The following ADAMTS20 variants were observed in gnomAD, a reference collection of about 807,000 sequenced individuals.
ADAMTS20 encodes the protein ADAM metallopeptidase with thrombospondin type 1 motif 20, also known as A disintegrin and metalloproteinase with thrombospondin motifs 20.
ADAMTS20 carries 225 observed loss-of-function variants against 260.1 expected under a neutral mutation model. The ratio of observed to expected loss-of-function variants is 0.87; its 90% CI spans 0.78 to 0.97. The LOEUF is 0.97. Among genes scored for constraint, ADAMTS20 ranks in the 50% least tolerant of loss-of-function variants. The pLI is 0.00. For synonymous variants in ADAMTS20, 802 were observed against 769.5 expected (o/e 1.04, Z -0.70); for missense variants, 2,400 against 2,337.7 (o/e 1.03, Z -0.55).
intron 28 of ADAMTS20, among the ~76,000 whole-genome samples, chr12:43,408,415 C>G (rs1311033135): frequency 1.3e-5 from 2 of 152,162 alleles, no homozygotes; most frequent in Non-Finnish European, 2.9e-5. Context: ...TTACAAAATT[C>G]TTAAAATCAA....
At chr12:43,478,947 G>A (rs1592090499) in intron 7 of ADAMTS20, among the ~76,000 whole-genome samples, 1 of 152,162 alleles carries the variant, frequency 6.6e-6, no homozygotes, top group Non-Finnish European at 1.5e-5. Context: ...CTGAAGTAAG[G>A]ACGGTTTTAT....
At chr12:43,483,393 C>T (rs1354782754) in intron 7 of ADAMTS20, among the ~76,000 whole-genome samples, 1 of 152,146 alleles carries the variant, frequency 6.6e-6, no homozygotes, top group East Asian at 1.9e-4. Flanking sequence ...TCAGCAGAGG[C>T]ATAGGTACAG....
At chr12:43,510,245 T>C (rs190097157) in intron 3 of ADAMTS20, among the ~76,000 whole-genome samples, 55 of 152,004 alleles carry the variant, frequency 3.6e-4, no homozygotes, top group Non-Finnish European at 6.3e-4. Flanking sequence ...ATAATGAGCC[T>C]AAAAGGTATA....
chr12:43,404,637 G>A (rs1940877555), intron 28 of ADAMTS20, among the ~76,000 whole-genome samples: 1 of 152,126 alleles, frequency 6.6e-6, no homozygotes, highest in Non-Finnish European at 1.5e-5. Context: ...ATCTATGGAT[G>A]AAGATATATA....
intron 38 of ADAMTS20, among the ~76,000 whole-genome samples, chr12:43,354,888 G>C (rs760176942): frequency 1.3e-5 from 2 of 152,160 alleles, no homozygotes; most frequent in Non-Finnish European, 2.9e-5. Context: ...GAACTAAAAT[G>C]GGAGATTGTT....
rs1177283960 is a variant in ADAMTS20 at position 43,440,004 on chromosome 12, CT to C, written c.2355del (p.Glu786LysfsTer86). On this transcript the variant is annotated frameshift_variant, in exon 17 of 39. Coordinates refer to ENST00000389420, the MANE Select transcript of ADAMTS20 (RefSeq NM_025003.5). LOFTEE classifies it high-confidence loss of function. ...GTTCTTGTTCCTTGCACATTGATTT[CT>C]TTTTTTGACGTACTTAGAAGAAAAT... is the stretch of plus-strand genomic sequence containing the variant. ...NGNFLLSTSK[K>X]EINVQGTRTV... 2.5e-6 allele frequency: 4 copies of C among 1,580,314 alleles called. No individual in the cohort carries two copies. Among genetic ancestry groups the C allele is most frequent in the Middle Eastern group, 1.7e-4 (1 of 6,012 alleles).
At chr12:43,367,240 A>C (rs1480870737) in intron 37 of ADAMTS20, among the ~76,000 whole-genome samples, 3 of 152,052 alleles carry the variant, frequency 2.0e-5, no homozygotes, top group Non-Finnish European at 4.4e-5. Flanking sequence ...CAGATATCAC[A>C]AGAAAAAAAA....
chr12:43,380,094 T>C (rs560233553), intron 31 of ADAMTS20, among the ~76,000 whole-genome samples: 1 of 152,082 alleles, frequency 6.6e-6, no homozygotes, highest in African/African-American at 2.4e-5. Context: ...TTATACACCA[T>C]GACGAAGTAA....
At chr12:43,352,932 C>T (rs570352167), downstream of ADAMTS20, among the ~76,000 whole-genome samples, 4 of 152,138 alleles carry the variant, frequency 2.6e-5, no homozygotes, top group South Asian at 2.1e-4. Context: ...AAATGTTTAA[C>T]CACATTGAAA....
chr12:43,364,051 C>T (rs1326007144), intron 37 of ADAMTS20, among the ~76,000 whole-genome samples: 1 of 152,084 alleles, frequency 6.6e-6, no homozygotes, highest in Non-Finnish European at 1.5e-5. Context: ...GAAAGCCCAC[C>T]TAAGACTATT....
chr12:43,438,776 C>T (rs1461985465), intron 18 of ADAMTS20, among the ~76,000 whole-genome samples: 1 of 152,136 alleles, frequency 6.6e-6, no homozygotes, highest in Admixed American at 6.6e-5. Context: ...TTTCTCTATT[C>T]TTCATGAAAA....
At position 43,376,603 on chromosome 12, in the gene ADAMTS20, A is replaced by T; in HGVS notation, c.5046T>A (p.Ile1682=). The T allele has an allele frequency of 1.2e-6, 2 of 1,613,488 alleles. No homozygotes were observed. Among genetic ancestry groups the T allele is most frequent in the Non-Finnish European group, 1.7e-6 (2 of 1,179,662 alleles). Residue 1682 remains isoleucine (I), a synonymous_variant, in exon 33 of 39, where the codon ATT becomes ATA. Coordinates refer to ENST00000389420, the MANE Select transcript of ADAMTS20 (RefSeq NM_025003.5). ...IGIMKRQVKC[I]TKHGLSSDLC... is the part of the protein sequence containing the mutation. ...AGTCACTGGACAAACCATGTTTGGT[A>T]ATGCATTTCACTTGTCTCTTCATTA... is the stretch of plus-strand genomic sequence containing the variant.
chr12:43,523,869 T>A, intron 3 of ADAMTS20, among the ~76,000 whole-genome samples: 1 of 148,918 alleles, frequency 6.7e-6, no homozygotes, highest in Non-Finnish European at 1.5e-5. Flanking sequence ...AGCACCCCCC[T>A]CCCCCAACCA....
chr12:43,413,226 T>G (rs2137275487), intron 28 of ADAMTS20, among the ~76,000 whole-genome samples: 1 of 152,346 alleles, frequency 6.6e-6, no homozygotes, highest in African/African-American at 2.4e-5. Context: ...TCACACATTT[T>G]AATTATCACA....
Position 43,376,664 on chromosome 12 carries a change from A to G in ADAMTS20, c.4996-11T>C. ...ACAAGTCACTGAGCACTGTGAAAAG[A>G]GTAAAATTTGAAGGCAAACTATATT... On this transcript the variant is annotated splice_polypyrimidine_tract_variant and intron_variant, in intron 32 of 38. Coordinates refer to ENST00000389420, the MANE Select transcript of ADAMTS20 (RefSeq NM_025003.5). The G allele has an allele frequency of 6.3e-7, 1 of 1,593,692 alleles. No homozygotes were observed. The highest frequency in any genetic ancestry group is 1.4e-5 in the African/African-American group (1 of 73,616).
chr12:43,408,042 C>G (rs1050392496), intron 28 of ADAMTS20, among the ~76,000 whole-genome samples: 8 of 152,088 alleles, frequency 5.3e-5, no homozygotes, highest in Non-Finnish European at 1.0e-4. Flanking sequence ...TGAACCTTTA[C>G]AAGTATAGGG....
chr12:43,431,239 T>C (rs979809348), intron 22 of ADAMTS20, 93 bp downstream of exon 22: 3 of 1,326,386 alleles, frequency 2.3e-6, no homozygotes, highest in Non-Finnish European at 2.1e-6. Flanking sequence ...CCAAATTCCA[T>C]TGCATCCACT....
At chr12:43,439,530 G>A in intron 18 of ADAMTS20, 92 bp downstream of exon 18, 1 of 1,443,690 alleles carries the variant, frequency 6.9e-7, no homozygotes, top group East Asian at 2.3e-5. Context: ...GGACAGTGGG[G>A]AGGATTCCAT....
intron 15 of ADAMTS20, among the ~76,000 whole-genome samples, chr12:43,445,187 C>G (rs879711412): frequency 1.1e-4 from 17 of 152,078 alleles, no homozygotes; most frequent in Non-Finnish European, 2.2e-4. Flanking sequence ...ATGAGTTTAA[C>G]GCATTGTTCT....
Sources: allele counts gnomAD v4.1 joint callset (sites outside exome capture counted in the v4.1 genomes callset), GRCh38; gene constraint gnomAD v4.1.1; transcripts MANE v1.5; gene names NCBI Gene and HGNC (gene_info 2026-07-23, HGNC 2026-07-21).